PIWIL3: variants seen among roughly 807,000 people sequenced by gnomAD.
PIWIL3 encodes the protein piwi like RNA-mediated gene silencing 3.
A neutral mutation model predicts 109.7 loss-of-function variants in PIWIL3; 101 were observed. The ratio of observed to expected loss-of-function variants is 0.92; its 90% confidence interval spans 0.78 to 1.09. The LOEUF (loss-of-function observed/expected upper bound fraction) is 1.09. Among genes scored for constraint, PIWIL3 ranks in the 50% least tolerant of loss-of-function variants. The probability of loss-of-function intolerance (pLI) is 0.00; values close to 1 mark genes in which losing one functional copy is unlikely to be tolerated. For missense variants in PIWIL3, 1,031 were observed against 1,072.6 expected (o/e 0.96, Z 0.54); for synonymous variants, 373 against 376.4 (o/e 0.99, Z 0.10).
chr22:24,748,301 G>A (rs1354682890), intron 12 of PIWIL3, among the ~76,000 whole-genome samples: 1 of 152,174 alleles, frequency 6.6e-6, no homozygotes, highest in Non-Finnish European at 1.5e-5. Flanking sequence ...GGTTGGAGGA[G>A]AATGTGGGGA....
intron 1 of PIWIL3, among the ~76,000 whole-genome samples, chr22:24,764,461 A>G (rs1925663902): frequency 6.6e-6 from 1 of 152,186 alleles, no homozygotes; most frequent in Admixed American, 6.5e-5. Flanking sequence ...CAAACCTAGA[A>G]GCACCCTTAC....
Position 24,719,846 on chromosome 22 carries a change from G to C in PIWIL3, c.2407C>G (p.Pro803Ala). 1 of 1,611,594 alleles carries C rather than the reference G, an allele frequency of 6.2e-7. No homozygotes were observed. The highest frequency in any genetic ancestry group is 8.5e-7 in the Non-Finnish European group (1 of 1,177,742). The change falls in exon 20 of 21, where the codon CCC (proline) becomes GCC (alanine). Residue 803 changes from proline to alanine, a missense_variant. Coordinates refer to ENST00000616349, the MANE Select transcript of PIWIL3 (RefSeq NM_001255975.1). ...TCATAGATGACGTTATAATGAGTGG[G>C]GGTAACAGTCCCATCTTGCACAGAC... ...SQSVQDGTVTPTHYNVIYDTI... is the reference protein window; with the variant it reads ...SQSVQDGTVTATHYNVIYDTI...
chr22:24,726,888 C>T (rs1300780202), intron 16 of PIWIL3, among the ~76,000 whole-genome samples: 1 of 152,172 alleles, frequency 6.6e-6, no homozygotes, highest in African/African-American at 2.4e-5. Flanking sequence ...ATTTGCAGGA[C>T]ATACATCAAG....
Position 24,756,626 on chromosome 22 carries a change from G to A in PIWIL3, c.435C>T (p.Tyr145=). Residue 145 remains tyrosine (Y), a synonymous_variant, in exon 5 of 21, where the codon TAC becomes TAT. Transcript: ENST00000616349. Reference sequence around the variant, plus strand: ...CTATGTCTGGTTTGTAGTCAACGTTGTATTTATATGCAACCCACTGAGGAC... The same window carrying A: ...CTATGTCTGGTTTGTAGTCAACGTTATATTTATATGCAACCCACTGAGGAC... ...ISRPQWVAYK[Y]NVDYKPDIED... is the part of the protein sequence containing the mutation. 6.2e-7 allele frequency: 1 copy of A among 1,614,016 alleles called. No individual in the cohort carries two copies. The highest frequency in any genetic ancestry group is 8.5e-7 in the Non-Finnish European group (1 of 1,179,930).
chr22:24,726,333 A>G lies in PIWIL3; in HGVS notation c.2010-818T>C, dbSNP rs1252333907. ...AGTCTCGCTCTGTCACCCAGGCTGG[A>G]GTGCAGTGGCGTGATCTTGGCTCAC... is the stretch of plus-strand genomic sequence containing the variant. On this transcript the variant is annotated intron_variant, in intron 16 of 20. Transcript: ENST00000616349. Among the ~76,000 whole-genome samples the G allele has an allele frequency of 2.7e-5, 4 of 149,204 alleles. No homozygotes were observed. The Admixed American group carries it at 2.7e-4, about 10-fold the overall frequency.
In PIWIL3 at chr22:24,754,038, A is replaced by C. The variant is rs201623983; in HGVS notation, c.953T>G (p.Leu318Ter). The change falls in exon 8 of 21, where the codon TTA becomes TGA. Residue 318 changes from leucine (L) to a stop codon, truncating the protein, a stop_gained. Transcript: ENST00000616349. LOFTEE classifies it high-confidence loss of function. ...CTTTGTCAGAACAATTGATCCAATT[A>C]ATTTATTAGTTACTTCCTCTCGGAT... ...GNIREEVTNK[L>*]IGSIVLTKYN... 2 of 1,609,656 alleles carry C rather than the reference A, an allele frequency of 1.2e-6. No homozygotes were observed. The highest frequency in any genetic ancestry group is 1.7e-6 in the Non-Finnish European group (2 of 1,175,958).
chr22:24,736,730 C>T (rs962370612), intron 12 of PIWIL3, among the ~76,000 whole-genome samples: 6 of 152,208 alleles, frequency 3.9e-5, no homozygotes, highest in Admixed American at 6.5e-5. Context: ...CCTTCTCCCA[C>T]CCCTGCATGG....
Position 24,728,201 on chromosome 22 carries a change from T to G in PIWIL3, c.1881A>C (p.Gly627=). Residue 627 remains glycine (G), a synonymous_variant, in exon 15 of 21, where the codon GGA becomes GGC. Coordinates refer to ENST00000616349, the MANE Select transcript of PIWIL3 (RefSeq NM_001255975.1). ...CGTCTGTCTCCACCTTCCAGAGGGC[T>G]CCTCCCATCTTGCAATTCATCTGCT... ...IAQQMNCKMG[G]ALWKVETDVQ... is the part of the protein sequence containing the mutation. The G allele has an allele frequency of 1.2e-6, 2 of 1,614,254 alleles. No individual in the cohort carries two copies. Among genetic ancestry groups the G allele is most frequent in the Non-Finnish European group, 1.7e-6 (2 of 1,180,048 alleles).
At chr22:24,737,486 C>T (rs1923726338) in intron 12 of PIWIL3, among the ~76,000 whole-genome samples, 1 of 152,182 alleles carries the variant, frequency 6.6e-6, no homozygotes, top group African/African-American at 2.4e-5. Context: ...GACATGCTGG[C>T]TTCAGGTGAG....
chr22:24,762,109 A>ACTCCTCTTT, intron 2 of PIWIL3: 1 of 928,178 alleles, frequency 1.1e-6, no homozygotes, highest in Non-Finnish European at 1.4e-6. Flanking sequence ...ACTTCCAAAG[A>ACTCCTCTTT]GGAGTCATTG....
chr22:24,746,185 T>C (rs1330040622), intron 12 of PIWIL3, among the ~76,000 whole-genome samples: 2 of 152,112 alleles, frequency 1.3e-5, no homozygotes, highest in Non-Finnish European at 2.9e-5. Flanking sequence ...TAAAAAATCC[T>C]CAACAAAATA....
At chr22:24,725,554 C>A (rs771710659) in intron 16 of PIWIL3, 39 bp from the exon 17 acceptor site, 1 of 1,603,500 alleles carries the variant, frequency 6.2e-7, no homozygotes, top group Non-Finnish European at 8.5e-7. Context: ...AAACAAGATT[C>A]TTAAAATCTC....
rs1923615277 is a variant in PIWIL3 at position 24,735,711 on chromosome 22, T to A, written c.1631A>T (p.Glu544Val). Residue 544 changes from glutamate (E) to valine (V), a missense_variant, in exon 13 of 21, where the codon GAA becomes GTA. Coordinates refer to ENST00000616349, the MANE Select transcript of PIWIL3 (RefSeq NM_001255975.1). ...APMGITMKPA[E>V]MIEVDGDANS... ...TGGGAATTTCTGCTCTACTTACATT[T>A]CTGCTGGTTTCATAGTTATGCCCAT... 1 of 1,586,190 alleles carries A rather than the reference T, an allele frequency of 6.3e-7. No homozygotes were observed. Among genetic ancestry groups the A allele is most frequent in the Admixed American group, 1.9e-5 (1 of 51,476 alleles).
At chr22:24,771,528 T>C (rs1240479872) in intron 1 of PIWIL3, among the ~76,000 whole-genome samples, 2 of 151,942 alleles carry the variant, frequency 1.3e-5, no homozygotes, top group Non-Finnish European at 2.9e-5. Context: ...ACTTCACTTC[T>C]TGCATTTTGG....
intron 3 of PIWIL3, among the ~76,000 whole-genome samples, chr22:24,759,304 TTTG>T (rs1925273442): frequency 6.6e-6 from 1 of 152,252 alleles, no homozygotes; most frequent in African/African-American, 2.4e-5. Context: ...TTTGTAACCA[TTTG>T]TTAATATTTA....
chr22:24,756,911 C>G (rs1038184084), intron 4 of PIWIL3, among the ~76,000 whole-genome samples: 4 of 151,848 alleles, frequency 2.6e-5, no homozygotes, highest in Non-Finnish European at 5.9e-5. Context: ...GACCCCATAT[C>G]TACTAAAAAT....
chr22:24,773,738 TCTCA>T (rs56966068), intron 1 of PIWIL3, among the ~76,000 whole-genome samples: 57,130 of 126,302 alleles, frequency 0.45, 12,240 homozygotes, highest in East Asian at 0.6. Context: ...GAGATGGGAG[TCTCA>T]CTCACTCTGT....
rs188297653 is a variant in PIWIL3 at position 24,737,097 on chromosome 22, G to A, written c.1450-1205C>T. Among the ~76,000 whole-genome samples the A allele has an allele frequency of 6.6e-5, 10 of 152,334 alleles. No homozygotes were observed. The East Asian group carries it at 1.9e-3, about 29-fold the overall frequency. On this transcript the variant is annotated intron_variant, in intron 12 of 20. Transcript: ENST00000616349. ...GGGGTAGGGGACAGGATCTACTGAG[G>A]CACCAGCCAGGGTAGCTAAGAGAGT...
At chr22:24,726,328 G>T (rs948745778) in intron 16 of PIWIL3, among the ~76,000 whole-genome samples, 1 of 151,274 alleles carries the variant, frequency 6.6e-6, no homozygotes, top group African/African-American at 2.4e-5. Flanking sequence ...TGTCACCCAG[G>T]CTGGAGTGCA....
Sources: allele counts gnomAD v4.1 joint callset (sites outside exome capture counted in the v4.1 genomes callset), GRCh38; gene constraint gnomAD v4.1.1; transcripts MANE v1.5; gene names NCBI Gene and HGNC (gene_info 2026-07-23, HGNC 2026-07-21).